Variants in RNF170 observed in about 807,000 individuals in gnomAD.
The protein encoded by RNF170 is ring finger protein 170, also known as E3 ubiquitin-protein ligase RNF170.
A neutral mutation model predicts 32.7 loss-of-function variants in RNF170; 12 were observed. The observed-to-expected ratio is 0.37, with a 90% CI of 0.24 to 0.60. RNF170 has a LOEUF of 0.60. Ranked by LOEUF, RNF170 falls within the 20% of genes least tolerant of loss-of-function variation. RNF170 has a pLI of 0.72. For missense variants in RNF170, 212 were observed against 311.2 expected, an observed-to-expected ratio of 0.68 and a Z score of 2.40; for synonymous variants, 91 against 103.6, an observed-to-expected ratio of 0.88 and a Z score of 0.74.
At chr8:42,861,173 A>G (rs1462854103) in intron 6 of RNF170, among the ~76,000 whole-genome samples, 1 of 152,212 alleles carries the variant, frequency 6.6e-6, no homozygotes, top group Non-Finnish European at 1.5e-5. Flanking sequence ...ATTTCCCTCT[A>G]ATTTTTTCTA....
At chr8:42,887,930 T>G in intron 1 of RNF170, 59 bp from the exon 2 acceptor site, 1 of 1,466,254 alleles carries the variant, frequency 6.8e-7, no homozygotes. Context: ...TGAAATATAC[T>G]AATAAAAGCA....
intron 1 of RNF170, among the ~76,000 whole-genome samples, chr8:42,893,023 A>C (rs1295074333): frequency 6.6e-6 from 1 of 152,164 alleles, no homozygotes; most frequent in Non-Finnish European, 1.5e-5. Context: ...CACATTGTAC[A>C]TATTTGTATA....
At chr8:42,893,575 G>A (rs1411722702) in intron 1 of RNF170, among the ~76,000 whole-genome samples, 2 of 152,150 alleles carry the variant, frequency 1.3e-5, no homozygotes, top group Non-Finnish European at 2.9e-5. Flanking sequence ...GGCAGGGGAA[G>A]TGCTTTGCCT....
At chr8:42,863,964 GGA>G (rs779901675) in intron 5 of RNF170, among the ~76,000 whole-genome samples, 20 of 128,386 alleles carry the variant, frequency 1.6e-4, no homozygotes, top group South Asian at 1.5e-3. Flanking sequence ...AAAGGCTGAA[GGA>G]GAGAGAGAGA....
intron 3 of RNF170, among the ~76,000 whole-genome samples, chr8:42,871,546 GTGTACAGCACTTTA>G (rs1804522813): frequency 6.6e-6 from 1 of 151,882 alleles, no homozygotes; most frequent in South Asian, 2.1e-4. Flanking sequence ...GCTACAAAAA[GTGTACAGCACTTTA>G]TGTTCCCTTC....
chr8:42,857,549 T>C (rs1249878128), intron 6 of RNF170, among the ~76,000 whole-genome samples: 1 of 152,188 alleles, frequency 6.6e-6, no homozygotes, highest in East Asian at 1.9e-4. Flanking sequence ...CCAGAAATAA[T>C]GAAATGGTTT....
chr8:42,882,317 G>C (rs972220597), intron 2 of RNF170, among the ~76,000 whole-genome samples: 3 of 152,160 alleles, frequency 2.0e-5, no homozygotes, highest in African/African-American at 7.2e-5. Flanking sequence ...CAAAAGGTGG[G>C]AGTAACCCAA....
chr8:42,895,848 A>T (rs577312343), intron 1 of RNF170, among the ~76,000 whole-genome samples: 2 of 152,366 alleles, frequency 1.3e-5, no homozygotes, highest in Admixed American at 1.3e-4. Context: ...TGATCACACT[A>T]GTCAGGCTAG....
chr8:42,854,574 A>C lies in RNF170; in HGVS notation c.*1585T>G, dbSNP rs1197407007. 1 of 1,287,080 alleles carries C rather than the reference A, an allele frequency of 7.8e-7. No individual in the cohort carries two copies. The highest frequency in any genetic ancestry group is 1.2e-5 in the South Asian group (1 of 80,938). 79.7% of individuals were successfully genotyped at this position (1,287,080 alleles called of 1,614,324 possible). A position where few individuals can be genotyped will look rare whatever the true frequency, so the allele number is the denominator to read the frequency against. The stretch of plus-strand genomic sequence containing the variant: ...AACAGCTCTGTCCTAGGTCCAAATT[A>C]GAAAAACACATATTGATATTTCATT... On this transcript the variant is annotated 3_prime_UTR_variant, in exon 7 of 7. Coordinates refer to ENST00000527424, the MANE Select transcript of RNF170 (RefSeq NM_030954.4).
Position 42,896,527 on chromosome 8 carries a change from A to C in RNF170, c.-51T>G, listed in dbSNP as rs753436028. 6 of 453,710 alleles carry C rather than the reference A, an allele frequency of 1.3e-5. No individual in the cohort carries two copies. The highest frequency in any genetic ancestry group is 1.2e-4 in the African/African-American group (6 of 49,904). 28.1% of individuals were successfully genotyped at this position (453,710 alleles called of 1,614,324 possible). On this transcript the variant is annotated 5_prime_UTR_variant, in exon 1 of 7. Transcript: ENST00000527424. ...CTACCTCGCCAGTTCCCGGCGACAGAGGACAGATTATTTCCAGGACCGCTC... is the reference window on the plus strand; with the variant it reads ...CTACCTCGCCAGTTCCCGGCGACAGCGGACAGATTATTTCCAGGACCGCTC...
At chr8:42,883,948 G>A (rs1805613879) in intron 2 of RNF170, among the ~76,000 whole-genome samples, 1 of 152,116 alleles carries the variant, frequency 6.6e-6, no homozygotes, top group South Asian at 2.1e-4. Flanking sequence ...CAATGTCCAA[G>A]TAACCGGGAG....
At chr8:42,873,807 T>C in intron 3 of RNF170, 124 bp downstream of exon 3, 1 of 679,038 alleles carries the variant, frequency 1.5e-6, no homozygotes, top group Non-Finnish European at 2.7e-6. Flanking sequence ...TAAAATAATA[T>C]AAGGTAATTT....
At chr8:42,850,430 C>T (rs1357767237), downstream of RNF170, 6 of 301,524 alleles carry the variant, frequency 2.0e-5, no homozygotes, top group Non-Finnish European at 1.3e-5. Context: ...GTGAGGGTGG[C>T]TTAGACCTGG....
chr8:42,892,864 G>A (rs1156554589), intron 1 of RNF170, among the ~76,000 whole-genome samples: 2 of 152,074 alleles, frequency 1.3e-5, no homozygotes, highest in Admixed American at 6.5e-5. Flanking sequence ...GCACACGCCT[G>A]TGATCCCAGC....
intron 4 of RNF170, among the ~76,000 whole-genome samples, chr8:42,868,270 A>G (rs561637318): frequency 6.6e-6 from 1 of 152,258 alleles, no homozygotes; most frequent in African/African-American, 2.4e-5. Context: ...CAACTGCACA[A>G]ATAACACTGT....
downstream of RNF170, chr8:42,850,566 T>A: frequency 1.7e-6 from 1 of 588,510 alleles, no homozygotes; most frequent in Non-Finnish European, 3.0e-6. Flanking sequence ...TAATGGTACA[T>A]CTGTGAATAT....
chr8:42,877,671 C>T (rs935858454), intron 2 of RNF170, among the ~76,000 whole-genome samples: 2 of 152,026 alleles, frequency 1.3e-5, no homozygotes, highest in Non-Finnish European at 2.9e-5. Context: ...TAAAACTATA[C>T]AAATTTTAGG....
At chr8:42,860,173 T>C (rs772074096) in intron 6 of RNF170, among the ~76,000 whole-genome samples, 3 of 152,200 alleles carry the variant, frequency 2.0e-5, no homozygotes, top group Non-Finnish European at 4.4e-5. Flanking sequence ...CAGTTGGATC[T>C]ACAGAGTCTG....
At position 42,853,325 on chromosome 8, in the gene RNF170, C is replaced by T; in HGVS notation, c.*2834G>A. ...ATGTTTTAGATATGTTGCTTTTATT[C>T]AAAAGAATAAAATGCTTGACAAACT... is the stretch of plus-strand genomic sequence containing the variant. On this transcript the variant is annotated 3_prime_UTR_variant, in exon 7 of 7. Transcript: ENST00000527424. The T allele has an allele frequency of 6.6e-6, 8 of 1,210,904 alleles. No individual in the cohort carries two copies. The highest frequency in any genetic ancestry group is 8.4e-6 in the Non-Finnish European group (8 of 949,968). 75.0% of individuals were successfully genotyped at this position (1,210,904 alleles called of 1,614,324 possible). A position where few individuals can be genotyped will look rare whatever the true frequency, so the allele number is the denominator to read the frequency against.
Sources: allele counts gnomAD v4.1 joint callset (sites outside exome capture counted in the v4.1 genomes callset), GRCh38; gene constraint gnomAD v4.1.1; transcripts MANE v1.5; gene names NCBI Gene and HGNC (gene_info 2026-07-23, HGNC 2026-07-21).